The following MBTD1 variants were observed in gnomAD, a reference collection of about 807,000 sequenced individuals.
The protein encoded by MBTD1 is mbt domain containing 1.
MBTD1 carries 24 observed loss-of-function variants against 87.8 expected under a neutral mutation model. That is an observed-to-expected ratio of 0.27 (90% CI 0.20 to 0.38). The LOEUF is 0.38. MBTD1 is among the 10% of genes least tolerant of loss of function. The pLI is 1.00. For missense variants in MBTD1, 436 were observed against 760.2 expected (o/e 0.57, Z 5.02); for synonymous variants, 237 against 248.6 (o/e 0.95, Z 0.44).
chr17:51,188,585 T>C (rs907320788), intron 16 of MBTD1, among the ~76,000 whole-genome samples: 1 of 152,144 alleles, frequency 6.6e-6, no homozygotes, highest in African/African-American at 2.4e-5. Context: ...ATGACAGGTT[T>C]CTAAACCCCA....
chr17:51,240,720 T>C (rs907786802), intron 2 of MBTD1, among the ~76,000 whole-genome samples: 2 of 152,208 alleles, frequency 1.3e-5, no homozygotes, highest in South Asian at 2.1e-4. Context: ...CTATACTCTT[T>C]GGAACAAAGT....
chr17:51,225,886 C>T (rs1205800688), intron 2 of MBTD1, among the ~76,000 whole-genome samples: 3 of 151,792 alleles, frequency 2.0e-5, no homozygotes, highest in Non-Finnish European at 4.4e-5. Flanking sequence ...TCAAGTGATT[C>T]TCCTGCCTCA....
At chr17:51,212,048 T>A (rs966498720) in intron 6 of MBTD1, among the ~76,000 whole-genome samples, 1 of 151,996 alleles carries the variant, frequency 6.6e-6, no homozygotes, top group African/African-American at 2.4e-5. Flanking sequence ...AACAAGAGGG[T>A]ATCTGTGGAG....
Position 51,259,955 on chromosome 17 carries a change from A to C in MBTD1, c.-233T>G. On this transcript the variant is annotated 5_prime_UTR_variant, in exon 1 of 17. Coordinates refer to ENST00000586178, the MANE Select transcript of MBTD1 (RefSeq NM_017643.3). ...CTCTCCCCGGGACTGCGGCGACTACAGGGGGCCCCCGGCTGGGCCCAGACC... is the reference window on the plus strand; with the variant it reads ...CTCTCCCCGGGACTGCGGCGACTACCGGGGGCCCCCGGCTGGGCCCAGACC... 2 of 1,133,798 alleles carry C rather than the reference A, an allele frequency of 1.8e-6. No homozygotes were observed. The highest frequency in any genetic ancestry group is 2.2e-6 in the Non-Finnish European group (2 of 898,432). The allele number at this position is 1,133,798 out of a possible 1,614,324, so 70.2% of individuals were successfully genotyped here.
chr17:51,202,611 C>A, intron 10 of MBTD1, 90 bp downstream of exon 10: 1 of 959,056 alleles, frequency 1.0e-6, no homozygotes, highest in East Asian at 2.4e-5. Flanking sequence ...TGCTATTTTT[C>A]ATCTATGCAA....
At chr17:51,202,142 G>T in intron 10 of MBTD1, 65 bp from the exon 11 acceptor site, 1 of 939,392 alleles carries the variant, frequency 1.1e-6, no homozygotes. Flanking sequence ...CACGTTCTTT[G>T]AAGGCTTCAA....
intron 6 of MBTD1, among the ~76,000 whole-genome samples, chr17:51,214,969 G>A (rs2052481334): frequency 6.6e-6 from 1 of 152,180 alleles, no homozygotes; most frequent in Non-Finnish European, 1.5e-5. Context: ...AACTCTAAAG[G>A]ACAAAATCAA....
intron 2 of MBTD1, among the ~76,000 whole-genome samples, chr17:51,255,480 A>G (rs1433542053): frequency 1.3e-5 from 2 of 152,230 alleles, no homozygotes; most frequent in East Asian, 1.9e-4. Context: ...TTAAACAAAG[A>G]TGGGTTAAAC....
At chr17:51,216,601 CA>C (rs1242843467) in intron 6 of MBTD1, among the ~76,000 whole-genome samples, 2 of 151,792 alleles carry the variant, frequency 1.3e-5, no homozygotes, top group Non-Finnish European at 2.9e-5. Flanking sequence ...CATTTGGAGA[CA>C]AAAAAATTAG....
chr17:51,210,835 C>T (rs1203393732), intron 6 of MBTD1, among the ~76,000 whole-genome samples: 3 of 151,168 alleles, frequency 2.0e-5, no homozygotes, highest in Admixed American at 6.6e-5. Flanking sequence ...TTTAAAAAAC[C>T]ATATTAAACC....
At chr17:51,260,718 C>T, upstream of MBTD1, 1 of 1,598,866 alleles carries the variant, frequency 6.3e-7, no homozygotes, top group Non-Finnish European at 8.5e-7. Flanking sequence ...CCTGCCCCTT[C>T]ATCCCAGCGG....
chr17:51,249,509 T>C (rs1351867337), intron 2 of MBTD1: 1 of 152,182 alleles, frequency 6.6e-6, no homozygotes, highest in Non-Finnish European at 1.5e-5. Context: ...ACTGTTCTCT[T>C]TTGTCTGATT....
chr17:51,248,404 A>G (rs770163366), intron 2 of MBTD1, among the ~76,000 whole-genome samples: 30 of 152,148 alleles, frequency 2.0e-4, no homozygotes, highest in Admixed American at 4.6e-4. Context: ...TCTTATCATC[A>G]TTTTCCAGAA....
chr17:51,181,053 C>T (rs1314780030), intron 16 of MBTD1, among the ~76,000 whole-genome samples: 1 of 144,124 alleles, frequency 6.9e-6, no homozygotes, highest in Non-Finnish European at 1.5e-5. Flanking sequence ...GATGGAGTCT[C>T]ACTCTGTCAT....
At chr17:51,219,635 A>C (rs761295041) in intron 4 of MBTD1, among the ~76,000 whole-genome samples, 15 of 152,186 alleles carry the variant, frequency 9.9e-5, no homozygotes, top group South Asian at 2.1e-4. Context: ...TGGAGGATTT[A>C]AATAACCCTT....
At chr17:51,225,282 T>C in intron 2 of MBTD1, 73 bp from the exon 3 acceptor site, 1 of 655,060 alleles carries the variant, frequency 1.5e-6, no homozygotes, top group Non-Finnish European at 2.3e-6. Context: ...CTAGCACAAA[T>C]TCTGGTAAAT....
chr17:51,250,585 T>TCAG (rs2054721045), intron 2 of MBTD1: 1 of 152,234 alleles, frequency 6.6e-6, no homozygotes. Context: ...TTTTGAGAAA[T>TCAG]CTGACACTGG....
At chr17:51,240,227 CA>C (rs1316287350) in intron 2 of MBTD1, among the ~76,000 whole-genome samples, 3 of 152,220 alleles carry the variant, frequency 2.0e-5, no homozygotes. Flanking sequence ...CCCCTATTAA[CA>C]TCTTACATTA....
chr17:51,202,681 T>A lies in MBTD1; in HGVS notation c.1063+20A>T. 6.4e-7 allele frequency: 1 copy of A among 1,573,320 alleles called. No individual in the cohort carries two copies. The highest frequency in any genetic ancestry group is 8.7e-7 in the Non-Finnish European group (1 of 1,143,108). On this transcript the variant is annotated intron_variant, in intron 10 of 16. Coordinates refer to ENST00000586178, the MANE Select transcript of MBTD1 (RefSeq NM_017643.3). ...GCCTCAATGATGCTTTTGACAGGAG[T>A]TCTTGTGATAGGTGCTTACCAGATC...
Sources: gnomAD v4.1 joint callset for allele counts (sites outside exome capture counted in the v4.1 genomes callset) on GRCh38, gnomAD v4.1.1 for gene constraint, MANE v1.5 for transcripts, NCBI Gene and HGNC (gene_info 2026-07-23, HGNC 2026-07-21) for gene names.